DUOX2: variants seen among roughly 807,000 people sequenced by gnomAD.
DUOX2 encodes the protein NADH/NADPH thyroid oxidase p138-tox.
In DUOX2, 185 loss-of-function variants were observed where a neutral mutation model predicts 183.3. That is an observed-to-expected ratio of 1.01 (90% confidence interval 0.90 to 1.14). DUOX2 has a LOEUF of 1.14. Among genes scored for constraint, DUOX2 ranks in the 50% most tolerant of loss-of-function variants. The pLI is 0.00. For synonymous variants in DUOX2, 788 were observed against 812.4 expected (o/e 0.97, Z 0.51); for missense variants, 1,999 against 2,022.9 (o/e 0.99, Z 0.23).
intron 27 of DUOX2, 28 bp downstream of exon 27, chr15:45,097,981 C>T (rs1326957259): frequency 1.2e-6 from 2 of 1,612,400 alleles, no homozygotes; most frequent in African/African-American, 2.7e-5. Context: ...AGTCCTCAGA[C>T]AGAACCCCCA....
chr15:45,113,200 C>T (rs943463483), intron 2 of DUOX2, 124 bp from the exon 3 acceptor site: 2 of 1,440,334 alleles, frequency 1.4e-6, no homozygotes, highest in South Asian at 1.2e-5. Flanking sequence ...AGTGTCGGGC[C>T]GCACTGGGAA....
rs1894489866 is a variant in DUOX2 at position 45,112,999 on chromosome 15, G to A, written c.148C>T (p.Arg50Cys). 5.0e-6 allele frequency: 8 copies of A among 1,613,630 alleles called. No homozygotes were observed. The highest frequency in any genetic ancestry group is 6.8e-6 in the Non-Finnish European group (8 of 1,179,926). The part of the protein sequence containing the change: ...GWFNNLRHHE[R>C]GAVGCRLQRR... Reference sequence around the variant, plus strand: ...CCCCAGAACGCACCAACAGCACCACGCTCGTGGTGCCTCAGGTTGTTAAAC... The same window carrying A: ...CCCCAGAACGCACCAACAGCACCACACTCGTGGTGCCTCAGGTTGTTAAAC... Residue 50 changes from arginine to cysteine, a missense_variant, in exon 3 of 34, where the codon CGT (arginine) becomes TGT (cysteine). Around this residue, in one of 3 missense-constraint regions of DUOX2, gnomAD observed 356 missense variants for 356.4 expected, o/e 1.00. Coordinates refer to ENST00000389039, the MANE Select transcript of DUOX2 (RefSeq NM_001363711.2).
rs1422217875 is a variant in DUOX2 at position 45,097,364 on chromosome 15, T to A, written c.3721A>T (p.Ile1241Phe). The A allele has an allele frequency of 6.2e-7, 1 of 1,614,238 alleles. No individual in the cohort carries two copies. Among genetic ancestry groups the A allele is most frequent in the East Asian group, 2.2e-5 (1 of 44,886 alleles). Reference sequence around the variant, plus strand: ...TAGATGTGGAAAGTGGGCAGCTGGATCAGAGCATAGCTGCCATGGATGATG... The same window carrying A: ...TAGATGTGGAAAGTGGGCAGCTGGAACAGAGCATAGCTGCCATGGATGATG... ...LLIIHGSYALIQLPTFHIYFL... is the reference protein window; with the variant it reads ...LLIIHGSYALFQLPTFHIYFL... Residue 1241 changes from isoleucine (I) to phenylalanine (F), a missense_variant, in exon 29 of 34, where the codon ATC becomes TTC. Ile to Phe is a conservative substitution (Grantham distance 21). This residue lies in a region of DUOX2 where 1,628 missense variants were observed against 1,608.6 expected (regional missense o/e 1.01). Transcript: ENST00000389039.
In DUOX2 at chr15:45,111,234, C is replaced by A. The variant is rs1359788285; in HGVS notation, c.759G>T (p.Ala253=). The A allele has an allele frequency of 2.3e-6, 3 of 1,313,654 alleles. No homozygotes were observed. Among genetic ancestry groups the A allele is most frequent in the African/African-American group, 1.5e-5 (1 of 64,786 alleles). The allele number at this position is 1,313,654 out of a possible 1,614,324, so 81.4% of individuals were successfully genotyped here. Residue 253 remains alanine (A), a synonymous_variant, in exon 7 of 34, where the codon GCG becomes GCT. Coordinates refer to ENST00000389039, the MANE Select transcript of DUOX2 (RefSeq NM_001363711.2). ...ERGNREPFLQ[A]LGLLWFRYHN... is the part of the protein sequence containing the mutation. Reference sequence around the variant, plus strand: ...GGTAGCGGAACCAGAGCAGGCCCAGCGCCTGCAGGAAGGGTTCCCGGTTCC... The same window carrying A: ...GGTAGCGGAACCAGAGCAGGCCCAGAGCCTGCAGGAAGGGTTCCCGGTTCC...
At chr15:45,109,656 C>T in intron 10 of DUOX2, 30 bp from the exon 11 acceptor site, 5 of 1,608,944 alleles carry the variant, frequency 3.1e-6, no homozygotes, top group Non-Finnish European at 4.3e-6. Context: ...TCAAGATAGG[C>T]CTCTACCCAA....
intron 27 of DUOX2, 25 bp downstream of exon 27, chr15:45,097,984 A>T: frequency 6.2e-7 from 1 of 1,612,936 alleles, no homozygotes; most frequent in Non-Finnish European, 8.5e-7. Context: ...CCTCAGACAG[A>T]ACCCCCAGGT....
intron 3 of DUOX2, 78 bp downstream of exon 3, chr15:45,112,909 G>A: frequency 1.9e-6 from 3 of 1,572,272 alleles, no homozygotes; most frequent in Non-Finnish European, 2.6e-6. Flanking sequence ...GTTCCCCGCA[G>A]ATTCCCCGCT....
At position 45,094,278 on chromosome 15, in the gene DUOX2, A is replaced by C; in HGVS notation, c.4525-6T>G. ...AACACCCCGATCTTGCGCACCTGTC[A>C]GGAGATTGGAGAGAGAGAGGGGCCT... On this transcript the variant is annotated splice_region_variant and splice_polypyrimidine_tract_variant and intron_variant, in intron 33 of 33. Transcript: ENST00000389039. The C allele has an allele frequency of 1.2e-6, 2 of 1,613,986 alleles. No homozygotes were observed. Among genetic ancestry groups the C allele is most frequent in the Non-Finnish European group, 1.7e-6 (2 of 1,180,010 alleles).
At position 45,109,632 on chromosome 15, in the gene DUOX2, A is replaced by G. The variant is rs761961790; in HGVS notation, c.1132-6T>C. ...GTACTGTTCAGATTGGGGTTCTGGAAGTAAACAATGCACTCAAGATAGGCC... is the reference window on the plus strand; with the variant it reads ...GTACTGTTCAGATTGGGGTTCTGGAGGTAAACAATGCACTCAAGATAGGCC... On this transcript the variant is annotated splice_polypyrimidine_tract_variant and splice_region_variant and intron_variant, in intron 10 of 33. Transcript: ENST00000389039. The G allele has an allele frequency of 2.5e-6, 4 of 1,614,048 alleles. No individual in the cohort carries two copies. The East Asian group carries it at 6.7e-5, about 27-fold the overall frequency.
chr15:45,099,450 AGACATT>A lies in DUOX2; in HGVS notation c.3442_3447del (p.Asn1148_Val1149del). The A allele has an allele frequency of 6.2e-7, 1 of 1,614,120 alleles. No individual in the cohort carries two copies. Among genetic ancestry groups the A allele is most frequent in the Non-Finnish European group, 8.5e-7 (1 of 1,180,040 alleles). On this transcript the variant is annotated inframe_deletion, in exon 26 of 34. Coordinates refer to ENST00000389039, the MANE Select transcript of DUOX2 (RefSeq NM_001363711.2). ...CTGAGTGGGCTGACTGAGAAGATGT[AGACATT>A]GACTGCGTGGCCAGCACTGTGCAAA...
rs776750341 is a variant in DUOX2, at chr15:45,094,693, T to TG, written c.4396-3dup. 1 of 1,613,862 alleles carries TG rather than the reference T, an allele frequency of 6.2e-7. No homozygotes were observed. The highest frequency in any genetic ancestry group is 1.1e-5 in the South Asian group (1 of 91,010). On this transcript the variant is annotated splice_polypyrimidine_tract_variant and splice_region_variant and intron_variant, in intron 32 of 33. Transcript: ENST00000389039. The stretch of plus-strand genomic sequence containing the variant: ...CTGGAAGTGCCGCTCGCAGATGTAC[T>TG]GGGGGCACAGGGGCAGGTCAGACCA...
At chr15:45,112,855 C>G (rs969951596) in intron 3 of DUOX2, 132 bp downstream of exon 3, 32 of 1,542,646 alleles carry the variant, frequency 2.1e-5, no homozygotes, top group South Asian at 3.4e-5. Context: ...GCCCCGGGAG[C>G]GCATAAGATT....
chr15:45,111,939 G>A lies in DUOX2; in HGVS notation c.342C>T (p.Ser114=). 6.2e-7 allele frequency: 1 copy of A among 1,613,652 alleles called. No individual in the cohort carries two copies. Among genetic ancestry groups the A allele is most frequent in the Non-Finnish European group, 8.5e-7 (1 of 1,179,994 alleles). Residue 114 remains serine (S), a synonymous_variant, in exon 5 of 34, where the codon TCC becomes TCT. Transcript: ENST00000389039. ...LGVFFGYHVL[S]DVVSVETPGC... ...CGGGCGTTTCCACGCTCACCACGTCGGAAAGAACATGGTAGCCTGCGGGCA... is the reference window on the plus strand; with the variant it reads ...CGGGCGTTTCCACGCTCACCACGTCAGAAAGAACATGGTAGCCTGCGGGCA...
At position 45,101,931 on chromosome 15, in the gene DUOX2, C is replaced by A. The variant is rs776336201; in HGVS notation, c.2713G>T (p.Glu905Ter). 21 of 1,614,094 alleles carry A rather than the reference C, an allele frequency of 1.3e-5. No homozygotes were observed. The highest frequency in any genetic ancestry group is 5.0e-5 in the Admixed American group (3 of 60,008). Reference protein sequence around the residue: ...LSKAQLAEVVESMFRESGFQD... With the variant: ...LSKAQLAEVV ...AATCCCGACTCCCGGAACATAGACTCCACCACCTCGGCCAGCTGGGCCTTG... is the reference window on the plus strand; with the variant it reads ...AATCCCGACTCCCGGAACATAGACTACACCACCTCGGCCAGCTGGGCCTTG... The change falls in exon 21 of 34, where the codon GAG (glutamate) becomes TAG (stop). Residue 905 changes from glutamate to a stop codon, truncating the protein, a stop_gained. Coordinates refer to ENST00000389039, the MANE Select transcript of DUOX2 (RefSeq NM_001363711.2). LOFTEE classifies it high-confidence loss of function.
Position 45,098,564 on chromosome 15 carries a change from G to T in DUOX2, c.3516-506C>A, listed in dbSNP as rs189083534. 6.6e-5 allele frequency among the ~76,000 whole-genome samples: 10 copies of T among 152,316 alleles called. No individual in the cohort carries two copies. The East Asian group carries it at 1.9e-3, about 29-fold the overall frequency. ...CAGGTATCTATGAGAAAGAGTCTCT[G>T]ACTTCATCTCCCAAACACCTTTCCT... On this transcript the variant is annotated intron_variant, in intron 26 of 33. Coordinates refer to ENST00000389039, the MANE Select transcript of DUOX2 (RefSeq NM_001363711.2).
At position 45,093,527 on chromosome 15, in the gene DUOX2, G is replaced by A. The variant is rs1893813287; in HGVS notation, c.*623C>T. ...AGGGCTGCTCCTTTTGGAGCTGGAG[G>A]GAATAGACCTGGAGACAGAGTTGAG... is the stretch of plus-strand genomic sequence containing the variant. On this transcript the variant is annotated 3_prime_UTR_variant, in exon 34 of 34. Coordinates refer to ENST00000389039, the MANE Select transcript of DUOX2 (RefSeq NM_001363711.2). 1 of 153,392 alleles carries A rather than the reference G, an allele frequency of 6.5e-6. No homozygotes were observed. The highest frequency in any genetic ancestry group is 6.5e-5 in the Admixed American group (1 of 15,466). 9.5% of individuals were successfully genotyped at this position (153,392 alleles called of 1,614,324 possible).
At chr15:45,107,659 CA>C (rs1326837384) in intron 13 of DUOX2, among the ~76,000 whole-genome samples, 196 bp from the exon 14 acceptor site, 1 of 151,950 alleles carries the variant, frequency 6.6e-6, no homozygotes, top group Non-Finnish European at 1.5e-5. Flanking sequence ...GCCTGACCAG[CA>C]TAGTGAAACC....
chr15:45,095,213 C>T (rs1893869638), intron 31 of DUOX2, 122 bp from the exon 32 acceptor site: 2 of 1,440,084 alleles, frequency 1.4e-6, no homozygotes, highest in East Asian at 4.9e-5. Context: ...TGTGGCAGGA[C>T]CCACCAGCCT....
At position 45,101,941 on chromosome 15, in the gene DUOX2, G is replaced by A. The variant is rs149413147; in HGVS notation, c.2703C>T (p.Ala901=). Residue 901 remains alanine, a synonymous_variant, in exon 21 of 34, where the codon GCC becomes GCT. Transcript: ENST00000389039. ...CCCGGAACATAGACTCCACCACCTC[G>A]GCCAGCTGGGCCTTGGACAGGCAGT... ...SNNCLSKAQL[A]EVVESMFRES... 4.0e-5 allele frequency: 65 copies of A among 1,614,176 alleles called. No homozygotes were observed. The highest frequency in any genetic ancestry group is 4.8e-5 in the Non-Finnish European group (57 of 1,180,036).
Sources: allele counts gnomAD v4.1 joint callset (sites outside exome capture counted in the v4.1 genomes callset), GRCh38; gene constraint gnomAD v4.1.1; regional missense constraint gnomAD v4.1.1; transcripts MANE v1.5; gene names NCBI Gene and HGNC (gene_info 2026-07-23, HGNC 2026-07-21).